CNIH3: variants seen among roughly 807,000 people sequenced by gnomAD.
CNIH3 encodes the protein cornichon family AMPA receptor auxiliary protein 3.
In CNIH3, 14 loss-of-function variants were observed where a neutral mutation model predicts 24.1. That is an observed-to-expected ratio of 0.58 (90% CI 0.38 to 0.91). The LOEUF is 0.91. Among genes scored for constraint, CNIH3 ranks in the 40% least tolerant of loss-of-function variants. The probability of loss-of-function intolerance (pLI) is 0.00; values close to 1 mark genes in which losing one functional copy is unlikely to be tolerated. For synonymous variants in CNIH3, 68 were observed against 73.8 expected (o/e 0.92, Z 0.40); for missense variants, 178 against 196.8 (o/e 0.90, Z 0.57).
intron 3 of CNIH3, chr1:224,717,858 C>T (rs549167210): frequency 1.3e-5 from 2 of 152,334 alleles, no homozygotes; most frequent in Non-Finnish European, 2.9e-5. Context: ...CCTACTGAAC[C>T]TGAGGCCTGC....
intron 3 of CNIH3, among the ~76,000 whole-genome samples, chr1:224,550,393 T>C (rs1419557081): frequency 1.3e-5 from 2 of 152,194 alleles, no homozygotes; most frequent in Non-Finnish European, 2.9e-5. Flanking sequence ...AGCGAAGATA[T>C]TACATTAATA....
intron 3 of CNIH3, among the ~76,000 whole-genome samples, chr1:224,595,949 T>G (rs1572548501): frequency 6.6e-6 from 1 of 152,144 alleles, no homozygotes; most frequent in Non-Finnish European, 1.5e-5. Flanking sequence ...GTTTACAAGG[T>G]TTAAGGAAAG....
At chr1:224,586,626 A>G (rs1681520714) in intron 5 of CNIH3, among the ~76,000 whole-genome samples, 1 of 152,242 alleles carries the variant, frequency 6.6e-6, no homozygotes, top group Non-Finnish European at 1.5e-5. Context: ...TGATGTGTAT[A>G]GCGGGTTGAA....
intron 3 of CNIH3, among the ~76,000 whole-genome samples, chr1:224,697,637 T>A (rs1687245784): frequency 6.6e-6 from 1 of 152,166 alleles, no homozygotes; most frequent in Non-Finnish European, 1.5e-5. Context: ...TGCTTCCAGA[T>A]GCTTCATTTT....
intron 1 of CNIH3, among the ~76,000 whole-genome samples, chr1:224,462,581 G>C (rs9970697): frequency 6.6e-6 from 1 of 150,850 alleles, no homozygotes; most frequent in Non-Finnish European, 1.5e-5. Flanking sequence ...CAATCCGCCC[G>C]CCTTGGCCTC....
chr1:224,706,958 C>CTTTTTTTTTTTTTTT (rs71170031), intron 3 of CNIH3, among the ~76,000 whole-genome samples: 1 of 82,124 alleles, frequency 1.2e-5, no homozygotes, highest in African/African-American at 4.5e-5. Flanking sequence ...TCCTTTCTTT[C>CTTTTTTTTTTTTTTT]TTTTTTTTTT....
intron 3 of CNIH3, among the ~76,000 whole-genome samples, chr1:224,605,379 C>G (rs180984565): frequency 1.3e-5 from 2 of 152,224 alleles, no homozygotes; most frequent in African/African-American, 4.8e-5. Context: ...TCTAGCCCCA[C>G]AGGCTGGCTG....
At chr1:224,444,699 C>G (rs1675070789) in intron 1 of CNIH3, among the ~76,000 whole-genome samples, 1 of 151,468 alleles carries the variant, frequency 6.6e-6, no homozygotes, top group Admixed American at 6.6e-5. Context: ...GGCTGGAGTG[C>G]AGTAGCGCGA....
At chr1:224,672,034 C>T (rs1243253592) in intron 1 of CNIH3, among the ~76,000 whole-genome samples, 1 of 152,224 alleles carries the variant, frequency 6.6e-6, no homozygotes, top group Non-Finnish European at 1.5e-5. Context: ...AATCACTCAT[C>T]TCTCATTTTT....
chr1:224,636,034 T>G (rs1256096579), intron 1 of CNIH3, among the ~76,000 whole-genome samples: 1 of 152,190 alleles, frequency 6.6e-6, no homozygotes, highest in Non-Finnish European at 1.5e-5. Flanking sequence ...GTGGAATGTT[T>G]CGTTTAAGAA....
intron 3 of CNIH3, among the ~76,000 whole-genome samples, chr1:224,563,128 C>T (rs922813301): frequency 3.3e-5 from 5 of 151,912 alleles, no homozygotes; most frequent in African/African-American, 1.2e-4. Flanking sequence ...TTCATAGCAT[C>T]ATTACTCACT....
chr1:224,543,973 G>T (rs560895639), intron 2 of CNIH3, among the ~76,000 whole-genome samples: 29 of 152,230 alleles, frequency 1.9e-4, no homozygotes, highest in African/African-American at 6.5e-4. Flanking sequence ...TCACATAAGA[G>T]ATCTGGGTGG....
intron 3 of CNIH3, among the ~76,000 whole-genome samples, chr1:224,718,353 T>C (rs958355745): frequency 6.6e-6 from 1 of 152,058 alleles, no homozygotes; most frequent in African/African-American, 2.4e-5. Context: ...GGAACAGACA[T>C]GCTGGGTTTG....
At chr1:224,588,520 G>T (rs1049588324) in exon 6 of CNIH3, 2 of 152,144 alleles carry the variant, frequency 1.3e-5, no homozygotes, top group East Asian at 3.9e-4. Flanking sequence ...CAATGGCAGA[G>T]TGTCCTATGC....
chr1:224,601,161 C>A lies in CNIH3; in HGVS notation n.402+34897C>A, dbSNP rs188901988. Reference sequence around the variant, plus strand: ...TGAGAGATTCAAGTGCGCTGTTTGACCTTTGACTTGGGGTTCTATACGCTG... The same window carrying A: ...TGAGAGATTCAAGTGCGCTGTTTGAACTTTGACTTGGGGTTCTATACGCTG... On this transcript the variant is annotated intron_variant and non_coding_transcript_variant, in intron 3 of 7. Coordinates refer to the CNIH3 transcript ENST00000478120. 3.0e-3 allele frequency among the ~76,000 whole-genome samples: 450 copies of A among 152,158 alleles called. 1 individual carries two copies. Among genetic ancestry groups the A allele is most frequent in the African/African-American group, 0.01 (427 of 41,532 alleles).
chr1:224,620,925 A>G (rs939567124), intron 1 of CNIH3, among the ~76,000 whole-genome samples: 1 of 152,234 alleles, frequency 6.6e-6, no homozygotes, highest in Non-Finnish European at 1.5e-5. Context: ...TCCAGCCAGT[A>G]TAAAATGAAT....
chr1:224,498,742 C>A (rs993607525), intron 1 of CNIH3, among the ~76,000 whole-genome samples: 11 of 152,228 alleles, frequency 7.2e-5, no homozygotes, highest in Admixed American at 6.5e-5. Context: ...GGTTACCATG[C>A]GCTGCTTCAG....
At chr1:224,501,594 T>G (rs1677673241) in intron 1 of CNIH3, among the ~76,000 whole-genome samples, 1 of 151,414 alleles carries the variant, frequency 6.6e-6, no homozygotes, top group South Asian at 2.1e-4. Flanking sequence ...TTTTTTTTTT[T>G]TTTGGAGATG....
intron 3 of CNIH3, among the ~76,000 whole-genome samples, chr1:224,560,330 C>T (rs1454454083): frequency 6.6e-6 from 1 of 152,146 alleles, no homozygotes; most frequent in Non-Finnish European, 1.5e-5. Flanking sequence ...AATCATTTTA[C>T]ACACTCTTCA....
Sources: gnomAD v4.1 joint callset for allele counts (sites outside exome capture counted in the v4.1 genomes callset) on GRCh38, gnomAD v4.1.1 for gene constraint, MANE v1.5 for transcripts, NCBI Gene and HGNC (gene_info 2026-07-23, HGNC 2026-07-21) for gene names.